LOC128125817: variants seen among roughly 807,000 people sequenced by gnomAD.
the LOC128125817 span, among the ~76,000 whole-genome samples, chr1:41,594,277 C>A: frequency 7.2e-5 from 11 of 152,248 alleles, no homozygotes; most frequent in African/African-American, 2.6e-4. Flanking sequence ...GGATGGAGTG[C>A]AGTGACTTGA....
the LOC128125817 span, among the ~76,000 whole-genome samples, chr1:41,612,322 C>T: frequency 6.6e-6 from 1 of 152,208 alleles, no homozygotes; most frequent in African/African-American, 2.4e-5. Flanking sequence ...ATAATCCCAA[C>T]AATGCCGCCT....
At chr1:41,599,103 C>T in the LOC128125817 span, among the ~76,000 whole-genome samples, 1 of 152,102 alleles carries the variant, frequency 6.6e-6, no homozygotes, top group African/African-American at 2.4e-5. Context: ...AAGTGTGAGC[C>T]ACCACACCCA....
chr1:41,621,531 T>G, the LOC128125817 span, among the ~76,000 whole-genome samples: 2 of 152,218 alleles, frequency 1.3e-5, no homozygotes. Context: ...GTTTTGTTTT[T>G]CGAGACAGGG....
the LOC128125817 span, among the ~76,000 whole-genome samples, chr1:41,599,112 C>G: frequency 6.6e-6 from 1 of 152,150 alleles, no homozygotes. Context: ...CCACCACACC[C>G]AGTCTCAGTC....
chr1:41,586,962 T>A, the LOC128125817 span, among the ~76,000 whole-genome samples: 4 of 152,062 alleles, frequency 2.6e-5, no homozygotes, highest in Non-Finnish European at 5.9e-5. Context: ...ATTGGTGGGA[T>A]AAAAAGAGTA....
chr1:41,601,757 A>G, the LOC128125817 span, among the ~76,000 whole-genome samples: 1 of 152,124 alleles, frequency 6.6e-6, no homozygotes, highest in African/African-American at 2.4e-5. Flanking sequence ...TCTGGCTAGG[A>G]CTTCCAGTAC....
the LOC128125817 span, among the ~76,000 whole-genome samples, chr1:41,608,917 CAAAA>C: frequency 1.6e-5 from 2 of 123,546 alleles, no homozygotes; most frequent in African/African-American, 5.9e-5. Flanking sequence ...CTAAAAATAC[CAAAA>C]AAAAAAAAAA....
At chr1:41,610,797 T>C in the LOC128125817 span, among the ~76,000 whole-genome samples, 1 of 152,176 alleles carries the variant, frequency 6.6e-6, no homozygotes, top group Admixed American at 6.5e-5. Context: ...AGATCTTCCT[T>C]TTTTGACAAC....
At chr1:41,620,519 C>T in the LOC128125817 span, among the ~76,000 whole-genome samples, 1 of 152,280 alleles carries the variant, frequency 6.6e-6, no homozygotes, top group East Asian at 1.9e-4. Context: ...TGCCTGTACT[C>T]AGTCCTCAAG....
the LOC128125817 span, among the ~76,000 whole-genome samples, chr1:41,600,004 A>C: frequency 6.6e-6 from 1 of 152,218 alleles, no homozygotes; most frequent in African/African-American, 2.4e-5. Flanking sequence ...ATGAAAAATC[A>C]AAACCACGAA....
chr1:41,626,469 C>A, the LOC128125817 span, among the ~76,000 whole-genome samples: 1 of 152,208 alleles, frequency 6.6e-6, no homozygotes, highest in East Asian at 1.9e-4. Flanking sequence ...GCTGAGCCCA[C>A]ACGGACAAAC....
At chr1:41,621,366 C>CA in the LOC128125817 span, among the ~76,000 whole-genome samples, 1 of 152,246 alleles carries the variant, frequency 6.6e-6, no homozygotes, top group Non-Finnish European at 1.5e-5. Context: ...TAAGCTTCCT[C>CA]ACCACCCCCA....
At chr1:41,616,695 C>T in the LOC128125817 span, among the ~76,000 whole-genome samples, 607 of 148,972 alleles carry the variant, frequency 4.1e-3, 13 homozygotes, top group African/African-American at 0.014. Context: ...TCAAATGATC[C>T]TCCCGCCTTA....
the LOC128125817 span, among the ~76,000 whole-genome samples, chr1:41,620,404 G>T: frequency 6.6e-6 from 1 of 152,162 alleles, no homozygotes; most frequent in Non-Finnish European, 1.5e-5. Context: ...TAGGTGATTT[G>T]GCTGTTCAAA....
chr1:41,603,153 AC>A, the LOC128125817 span, among the ~76,000 whole-genome samples: 8 of 151,108 alleles, frequency 5.3e-5, no homozygotes, highest in Admixed American at 2.0e-4. Context: ...TGCAACCTCC[AC>A]CTCCCGGGTT....
At chr1:41,612,421 T>G in the LOC128125817 span, among the ~76,000 whole-genome samples, 1 of 152,340 alleles carries the variant, frequency 6.6e-6, no homozygotes, top group East Asian at 1.9e-4. Context: ...GCAGACCTCC[T>G]GTTCATGGCT....
the LOC128125817 span, among the ~76,000 whole-genome samples, chr1:41,601,060 C>T: frequency 2.6e-5 from 4 of 152,138 alleles, no homozygotes; most frequent in African/African-American, 9.7e-5. Flanking sequence ...GAAGATCAGT[C>T]AGCATATATA....
the LOC128125817 span, among the ~76,000 whole-genome samples, chr1:41,607,123 G>A: frequency 3.3e-5 from 5 of 152,020 alleles, no homozygotes; most frequent in South Asian, 2.1e-4. Context: ...AAGCCTGGCC[G>A]TGTGTATTTC....
chr1:41,596,280 C>T, the LOC128125817 span, among the ~76,000 whole-genome samples: 13 of 152,216 alleles, frequency 8.5e-5, no homozygotes, highest in South Asian at 1.2e-3. Context: ...TGGGCAAGGG[C>T]GCACTGCTGC....
Sources: gnomAD v4.1 joint callset for allele counts (sites outside exome capture counted in the v4.1 genomes callset) on GRCh38, gnomAD v4.1.1 for gene constraint, MANE v1.5 for transcripts.